The following CHD6 variants were observed in gnomAD, a reference collection of about 807,000 sequenced individuals.
The protein encoded by CHD6 is chromodomain helicase DNA binding protein 6, also known as ATP-dependent chromatin remodeler CHD6.
CHD6 carries 50 observed loss-of-function variants against 276.9 expected under a neutral mutation model. That is an observed-to-expected ratio of 0.18 (90% CI 0.14 to 0.23). CHD6 has a LOEUF of 0.23. Among genes scored for constraint, CHD6 ranks in the 10% least tolerant of loss-of-function variants. CHD6 has a pLI of 1.00. For missense variants in CHD6, 2,564 were observed against 3,365.8 expected, an observed-to-expected ratio of 0.76 and a Z score of 5.89; for synonymous variants, 1,173 against 1,229.3, an observed-to-expected ratio of 0.95 and a Z score of 0.96.
At chr20:41,605,239 T>C (rs2045816041) in intron 1 of CHD6, among the ~76,000 whole-genome samples, 1 of 152,170 alleles carries the variant, frequency 6.6e-6, no homozygotes, top group African/African-American at 2.4e-5. Flanking sequence ...GTTCATGGTA[T>C]TGTTCTCATA....
chr20:41,445,623 G>A (rs769012530), intron 25 of CHD6, 42 bp downstream of exon 25: 24 of 1,343,998 alleles, frequency 1.8e-5, no homozygotes, highest in East Asian at 9.2e-5. Flanking sequence ...CCTTCCTGGG[G>A]GAAACTGATA....
intron 27 of CHD6, among the ~76,000 whole-genome samples, chr20:41,434,814 G>A (rs952809088): frequency 2.0e-5 from 3 of 152,098 alleles, no homozygotes; most frequent in Middle Eastern, 3.2e-3. Flanking sequence ...CTGATGAAAC[G>A]ACTAGACAGA....
rs1429413554 is a variant in CHD6 at position 41,513,053 on chromosome 20, C to T, written c.703-58G>A. 5 of 1,575,402 alleles carry T rather than the reference C, an allele frequency of 3.2e-6. No individual in the cohort carries two copies. In the Admixed American group the frequency reaches 5.0e-5, roughly 16 times the overall value. On this transcript the variant is annotated intron_variant, in intron 4 of 36. Transcript: ENST00000373233. ...TCTGAGTGAAAGACAACAGCCTACA[C>T]AAGAATACCCTCATCTACATTTACT...
At chr20:41,568,535 G>A (rs529416949) in intron 1 of CHD6, among the ~76,000 whole-genome samples, 1 of 152,344 alleles carries the variant, frequency 6.6e-6, no homozygotes, top group South Asian at 2.1e-4. Context: ...CAGAAGAGTT[G>A]GCCCAAGTGG....
At chr20:41,575,549 C>A (rs2045465361) in intron 1 of CHD6, among the ~76,000 whole-genome samples, 1 of 152,182 alleles carries the variant, frequency 6.6e-6, no homozygotes, top group Non-Finnish European at 1.5e-5. Flanking sequence ...CCCATCCACT[C>A]ACACAGACCA....
chr20:41,556,677 G>A (rs6016581), intron 1 of CHD6, among the ~76,000 whole-genome samples: 5 of 152,256 alleles, frequency 3.3e-5, no homozygotes, highest in African/African-American at 1.2e-4. Flanking sequence ...TCATGTTACT[G>A]TCAAATCATT....
At chr20:41,596,654 G>T (rs1169125800) in intron 1 of CHD6, among the ~76,000 whole-genome samples, 1 of 151,738 alleles carries the variant, frequency 6.6e-6, no homozygotes, top group East Asian at 1.9e-4. Flanking sequence ...TCAGTGCCTT[G>T]AACCCAAAGT....
chr20:41,542,230 G>C (rs2044956503), intron 2 of CHD6, among the ~76,000 whole-genome samples: 1 of 152,208 alleles, frequency 6.6e-6, no homozygotes. Flanking sequence ...AGTAGATGCT[G>C]AACAGAATCT....
Position 41,421,463 on chromosome 20 carries a change from T to G in CHD6, c.5172A>C (p.Pro1724=). 6.2e-7 allele frequency: 1 copy of G among 1,614,178 alleles called. No individual in the cohort carries two copies. ...CTTTTCTAGATTCAGTATTGGTACTTGGGCTCTCCTGAAAAGAGCTTGGTT... is the reference window on the plus strand; with the variant it reads ...CTTTTCTAGATTCAGTATTGGTACTGGGGCTCTCCTGAAAAGAGCTTGGTT... ...SQEPSSFQES[P]STNTESRKDV... is the part of the protein sequence containing the mutation. The change falls in exon 31 of 37, where the codon CCA becomes CCC. Residue 1724 remains proline, a synonymous_variant. Coordinates refer to ENST00000373233, the MANE Select transcript of CHD6 (RefSeq NM_032221.5).
At chr20:41,509,635 A>T (rs1450564148) in intron 5 of CHD6, among the ~76,000 whole-genome samples, 1 of 152,200 alleles carries the variant, frequency 6.6e-6, no homozygotes, top group African/African-American at 2.4e-5. Flanking sequence ...TTCAAATTCA[A>T]GTCCTTCTGT....
intron 16 of CHD6, among the ~76,000 whole-genome samples, chr20:41,480,112 T>C (rs1450636838): frequency 3.9e-5 from 6 of 152,226 alleles, no homozygotes; most frequent in African/African-American, 1.2e-4. Context: ...TCATTCACCC[T>C]TTCTCAGGAG....
rs2048252571 is a variant in CHD6 at position 41,451,929 on chromosome 20, G to A, written c.3420C>T (p.Tyr1140=). ...CGTCCCCCTTATAATGCTTGACACA[G>A]TACACCAGGAGGGCACGGCAAATCA... ...MEMICRALLV[Y]CVKHYKGDEK... Residue 1140 remains tyrosine (Y), a synonymous_variant, in exon 22 of 37, where the codon TAC becomes TAT. Coordinates refer to ENST00000373233, the MANE Select transcript of CHD6 (RefSeq NM_032221.5). 1.4e-5 allele frequency: 23 copies of A among 1,614,040 alleles called. No homozygotes were observed. Among genetic ancestry groups the A allele is most frequent in the Non-Finnish European group, 1.9e-5 (22 of 1,179,942 alleles).
At chr20:41,552,462 CTT>C (rs1244299669) in intron 1 of CHD6, among the ~76,000 whole-genome samples, 1 of 152,196 alleles carries the variant, frequency 6.6e-6, no homozygotes, top group Non-Finnish European at 1.5e-5. Flanking sequence ...ATTAGCTTGA[CTT>C]AATTATTACA....
At chr20:41,607,384 T>C (rs2045840626) in intron 1 of CHD6, among the ~76,000 whole-genome samples, 1 of 152,250 alleles carries the variant, frequency 6.6e-6, no homozygotes, top group South Asian at 2.1e-4. Flanking sequence ...TTTACCTTTC[T>C]GTCTCTTCTA....
At chr20:41,578,118 T>C (rs2045493998) in intron 1 of CHD6, among the ~76,000 whole-genome samples, 1 of 152,130 alleles carries the variant, frequency 6.6e-6, no homozygotes, top group African/African-American at 2.4e-5. Flanking sequence ...CTCAACCAAA[T>C]AAACTTTAGA....
At chr20:41,420,247 A>C (rs994060989) in intron 31 of CHD6, among the ~76,000 whole-genome samples, 2 of 152,230 alleles carry the variant, frequency 1.3e-5, no homozygotes. Context: ...CTATTGAATG[A>C]AAACACACAA....
intron 30 of CHD6, 34 bp downstream of exon 30, chr20:41,423,458 G>A (rs1407425537): frequency 1.3e-6 from 2 of 1,578,626 alleles, no homozygotes; most frequent in African/African-American, 1.3e-5. Context: ...TTCTTTCCTT[G>A]TATCATCTGA....
In CHD6 at chr20:41,555,098, G is replaced by A. The variant is rs1263720413; in HGVS notation, c.-23-3738C>T. Among the ~76,000 whole-genome samples, 6 of 145,116 alleles carry A rather than the reference G, an allele frequency of 4.1e-5. 1 individual carries two copies. Among genetic ancestry groups the A allele is most frequent in the African/African-American group, 1.0e-4 (4 of 38,810 alleles). ...TCCCTCCTGGACGGGGCGGCTTGCC[G>A]GGCGGGGGGCTGACCCCCCCACCTC... On this transcript the variant is annotated intron_variant, in intron 1 of 36. Coordinates refer to ENST00000373233, the MANE Select transcript of CHD6 (RefSeq NM_032221.5).
chr20:41,404,432 CAA>C lies in CHD6; in HGVS notation c.*159_*160del. 21 of 1,325,478 alleles carry C rather than the reference CAA, an allele frequency of 1.6e-5. No homozygotes were observed. The South Asian group carries it at 2.0e-4, about 12-fold the overall frequency. 82.1% of individuals were successfully genotyped at this position (1,325,478 alleles called of 1,614,324 possible). On this transcript the variant is annotated 3_prime_UTR_variant, in exon 37 of 37. Transcript: ENST00000373233. Reference sequence around the variant, plus strand: ...TATCTAATGAAGTGGTGAGACCCTGCAACTATTAACATCTGTTACCATAGTTC... The same window carrying C: ...TATCTAATGAAGTGGTGAGACCCTGCCTATTAACATCTGTTACCATAGTTC...
Sources: allele counts gnomAD v4.1 joint callset (sites outside exome capture counted in the v4.1 genomes callset), GRCh38; gene constraint gnomAD v4.1.1; transcripts MANE v1.5; gene names NCBI Gene and HGNC (gene_info 2026-07-23, HGNC 2026-07-21).